Variants in LPCAT4 observed in about 807,000 individuals in gnomAD.
The protein encoded by LPCAT4 is lysophosphatidylcholine acyltransferase 4.
In LPCAT4, 30 loss-of-function variants were observed where a neutral mutation model predicts 66.5. That is an observed-to-expected ratio of 0.45 (90% confidence interval 0.34 to 0.61). The LOEUF (loss-of-function observed/expected upper bound fraction) is 0.61. Ranked by LOEUF, LPCAT4 falls within the 20% of genes least tolerant of loss-of-function variation. LPCAT4 has a pLI of 0.01. For synonymous variants in LPCAT4, 253 were observed against 262.1 expected (o/e 0.97, Z 0.34); for missense variants, 557 against 656.7 (o/e 0.85, Z 1.66).
intron 3 of LPCAT4, chr15:34,364,538 C>T (rs1891027674): frequency 2.5e-6 from 1 of 400,540 alleles, no homozygotes; most frequent in Non-Finnish European, 4.5e-6. Context: ...ATTCTCCTGC[C>T]TCAGCCTCCC....
rs577609067 is a variant in LPCAT4, at chr15:34,367,167, C to G, written c.-67G>C. ...CGGCCACCACTCTGCAGAGCAGCTG[C>G]TGCTGCAGCAGCGGCGGCGGCGGCG... On this transcript the variant is annotated 5_prime_UTR_variant, in exon 1 of 14. Coordinates refer to ENST00000314891, the MANE Select transcript of LPCAT4 (RefSeq NM_153613.3). The G allele has an allele frequency of 9.1e-6, 12 of 1,320,534 alleles. 1 individual carries two copies. In the South Asian group the frequency reaches 1.7e-4, roughly 18 times the overall value. 81.8% of individuals were successfully genotyped at this position (1,320,534 alleles called of 1,614,324 possible).
At chr15:34,361,209 G>A in intron 11 of LPCAT4, 191 bp downstream of exon 11, 2 of 1,462,262 alleles carry the variant, frequency 1.4e-6, no homozygotes, top group Middle Eastern at 5.2e-4. Flanking sequence ...TGATAACATT[G>A]CTCTTCAATG....
At chr15:34,364,354 G>T in intron 3 of LPCAT4, 48 bp from the exon 4 acceptor site, 1 of 1,208,274 alleles carries the variant, frequency 8.3e-7, no homozygotes, top group South Asian at 1.3e-5. Flanking sequence ...TCCTACCCAG[G>T]GGCAGTAACA....
intron 1 of LPCAT4, 116 bp downstream of exon 1, chr15:34,366,871 C>G: frequency 3.4e-6 from 5 of 1,480,428 alleles, no homozygotes; most frequent in Non-Finnish European, 4.6e-6. Flanking sequence ...TCCCGCTCCG[C>G]AAGCCTCTCA....
At chr15:34,366,321 G>C (rs774423597) in intron 1 of LPCAT4, among the ~76,000 whole-genome samples, 1 of 152,202 alleles carries the variant, frequency 6.6e-6, no homozygotes, top group Non-Finnish European at 1.5e-5. Context: ...GGAAGAAGCA[G>C]GTAAGCAAAC....
chr15:34,362,878 T>C (rs1411980682), intron 7 of LPCAT4, 42 bp from the exon 8 acceptor site: 4 of 1,604,100 alleles, frequency 2.5e-6, no homozygotes, highest in Non-Finnish European at 2.6e-6. Flanking sequence ...TCTCTAACTA[T>C]GGGCTCCTTC....
chr15:34,365,687 C>T lies in LPCAT4; in HGVS notation c.129G>A (p.Gly43=). 1 of 1,613,854 alleles carries T rather than the reference C, an allele frequency of 6.2e-7. No homozygotes were observed. The highest frequency in any genetic ancestry group is 8.5e-7 in the Non-Finnish European group (1 of 1,179,968). The change falls in exon 2 of 14, where the codon GGG becomes GGA. Residue 43 remains glycine, a synonymous_variant. Transcript: ENST00000314891. Reference sequence around the variant, plus strand: ...GCACTCGGATGGGGGCCAGCAATGCCCCCAGGAGGCAGAACTGCAAAGGGT... The same window carrying T: ...GCACTCGGATGGGGGCCAGCAATGCTCCCAGGAGGCAGAACTGCAAAGGGT... ...RLQRVKFCLL[G]ALLAPIRVLL... is the part of the protein sequence containing the mutation.
chr15:34,365,196 C>T lies in LPCAT4; in HGVS notation c.290G>A (p.Ser97Asn). The change falls in exon 3 of 14, where the codon AGC becomes AAC. Residue 97 changes from serine to asparagine, a missense_variant. Ser to Asn is a conservative substitution (Grantham distance 46). This residue lies in a region of LPCAT4 where 65 missense variants were observed against 83.5 expected (regional missense o/e 0.78). Coordinates refer to ENST00000314891, the MANE Select transcript of LPCAT4 (RefSeq NM_153613.3). ...TVCHNGVLGL[S>N]RLLFFLLGFL... ...GCCCAGCAGGAAAAACAGCAGGCGG[C>T]TCAGGCCTAGCACCCCGTTGTGGCA... The T allele has an allele frequency of 6.2e-7, 1 of 1,612,586 alleles. No individual in the cohort carries two copies. The highest frequency in any genetic ancestry group is 8.5e-7 in the Non-Finnish European group (1 of 1,179,440).
At chr15:34,362,502 GC>G (rs1890970652) in intron 9 of LPCAT4, 70 bp downstream of exon 9, 1 of 1,460,616 alleles carries the variant, frequency 6.8e-7, no homozygotes, top group Non-Finnish European at 9.3e-7. Flanking sequence ...TGAAAACCTC[GC>G]CCCCTCCACG....
At position 34,365,640 on chromosome 15, in the gene LPCAT4, A is replaced by G; in HGVS notation, c.176T>C (p.Phe59Ser). The change falls in exon 2 of 14, where the codon TTT becomes TCT. Residue 59 changes from phenylalanine to serine, a missense_variant. Phe to Ser is a radical substitution (Grantham distance 155, BLOSUM62 -2). Coordinates refer to ENST00000314891, the MANE Select transcript of LPCAT4 (RefSeq NM_153613.3). ...AAGCCAGGCAAAGGGCCAGAGGAGA[A>G]AGAGGACGATAAAGGCCAGAAGCAC... The part of the protein sequence containing the change: ...IRVLLAFIVL[F>S]LLWPFAWLQV... The G allele has an allele frequency of 2.5e-6, 4 of 1,614,192 alleles. No individual in the cohort carries two copies. The highest frequency in any genetic ancestry group is 3.4e-6 in the Non-Finnish European group (4 of 1,180,026).
chr15:34,364,411 C>CCTTT, intron 3 of LPCAT4, 105 bp from the exon 4 acceptor site: 1 of 557,968 alleles, frequency 1.8e-6, no homozygotes, highest in East Asian at 3.1e-5. Context: ...TCTGTTATCT[C>CCTTT]TTTTTTTTTT....
chr15:34,361,124 C>T, intron 11 of LPCAT4: 1 of 1,170,756 alleles, frequency 8.5e-7, no homozygotes, highest in Non-Finnish European at 1.1e-6. Context: ...TGATTCCCCA[C>T]CTTCGCCACT....
At chr15:34,361,050 T>C (rs1890930720) in intron 11 of LPCAT4, 1 of 322,638 alleles carries the variant, frequency 3.1e-6, no homozygotes, top group Non-Finnish European at 5.0e-6. Context: ...CTACATGTCA[T>C]CTTCCCACGT....
intron 10 of LPCAT4, 59 bp downstream of exon 10, chr15:34,362,131 CTTCTTA>C (rs1178148640): frequency 8.3e-7 from 1 of 1,199,324 alleles, no homozygotes; most frequent in African/African-American, 1.7e-5. Context: ...CATTTCTCCC[CTTCTTA>C]TTCTCTCTCT....
At chr15:34,361,062 A>C (rs769525768) in intron 11 of LPCAT4, 13 of 402,038 alleles carry the variant, frequency 3.2e-5, no homozygotes, top group Admixed American at 4.9e-5. Context: ...TTCCCACGTA[A>C]CCTTCATGAC....
chr15:34,360,084 C>A (rs1230677367), intron 12 of LPCAT4, 27 bp downstream of exon 12: 2 of 1,289,418 alleles, frequency 1.6e-6, no homozygotes, highest in Admixed American at 1.7e-5. Context: ...CCACTAAGCA[C>A]CCCCCACCAC....
chr15:34,367,079 C>T lies in LPCAT4; in HGVS notation c.22G>A (p.Asp8Asn), dbSNP rs1357397115. The change falls in exon 1 of 14, where the codon GAC (aspartate) becomes AAC (asparagine). Residue 8 changes from aspartate to asparagine, a missense_variant. By Grantham distance (23) the Asp-to-Asn change is conservative. Around this residue, in one of 4 missense-constraint regions of LPCAT4, gnomAD observed 94 missense variants for 71.5 expected, o/e 1.32. Transcript: ENST00000314891. ...GGGGTGGGATCTAGGGGGGCCCAGT[C>T]CCCCGGACTTCCCTGGCTCATGGCG... MSQGSPG[D>N]WAPLDPTPGP... 6.4e-7 allele frequency: 1 copy of T among 1,552,824 alleles called. No individual in the cohort carries two copies. Among genetic ancestry groups the T allele is most frequent in the Non-Finnish European group, 8.7e-7 (1 of 1,148,416 alleles).
intron 1 of LPCAT4, 169 bp from the exon 2 acceptor site, chr15:34,365,870 C>T (rs1233131953): frequency 2.9e-6 from 2 of 691,866 alleles, no homozygotes; most frequent in Admixed American, 5.8e-5. Flanking sequence ...ATGAAGATAC[C>T]AATGAGGGCA....
intron 2 of LPCAT4, 105 bp downstream of exon 2, chr15:34,365,454 A>C: frequency 6.6e-7 from 1 of 1,505,226 alleles, no homozygotes; most frequent in Non-Finnish European, 9.1e-7. Flanking sequence ...TACCCAAGCT[A>C]GACAGAATAG....
Sources: allele counts gnomAD v4.1 joint callset (sites outside exome capture counted in the v4.1 genomes callset), GRCh38; gene constraint gnomAD v4.1.1; regional missense constraint gnomAD v4.1.1; transcripts MANE v1.5; gene names NCBI Gene and HGNC (gene_info 2026-07-23, HGNC 2026-07-21).